DEPTOR: variants seen among roughly 807,000 people sequenced by gnomAD.
DEPTOR encodes DEP domain-containing mTOR-interacting protein.
DEPTOR carries 41 observed loss-of-function variants against 41.6 expected under a neutral mutation model. The observed-to-expected ratio is 0.98, with a 90% CI of 0.77 to 1.28. The LOEUF is 1.28. Ranked by LOEUF, DEPTOR falls within the 50% of genes most tolerant of loss-of-function variation. The pLI is 0.00. For missense variants in DEPTOR, 514 were observed against 527.9 expected (o/e 0.97, Z 0.26); for synonymous variants, 195 against 192.3 (o/e 1.01, Z -0.12).
intron 4 of DEPTOR, among the ~76,000 whole-genome samples, chr8:119,974,632 C>G (rs1294736039): frequency 6.6e-6 from 1 of 152,036 alleles, no homozygotes; most frequent in East Asian, 1.9e-4. Context: ...ATTAGGCAGG[C>G]TTGATGGTGT....
chr8:119,920,477 T>TTTCACA (rs1168039313), intron 1 of DEPTOR, among the ~76,000 whole-genome samples: 2 of 152,114 alleles, frequency 1.3e-5, no homozygotes, highest in Non-Finnish European at 2.9e-5. Context: ...ACAGAGGAGG[T>TTTCACA]GCCCTTGAAA....
chr8:120,022,542 G>A (rs955874890), intron 8 of DEPTOR, among the ~76,000 whole-genome samples: 3 of 152,008 alleles, frequency 2.0e-5, no homozygotes, highest in Admixed American at 1.3e-4. Context: ...CAGTCTTGAG[G>A]CTCCTAAGTC....
At chr8:119,940,509 G>A (rs943973660) in intron 3 of DEPTOR, among the ~76,000 whole-genome samples, 1 of 152,194 alleles carries the variant, frequency 6.6e-6, no homozygotes, top group African/African-American at 2.4e-5. Context: ...ACTTTGGGAG[G>A]CCAAGGTGGG....
At chr8:120,049,039 C>T (rs182448071) in intron 8 of DEPTOR, among the ~76,000 whole-genome samples, 8 of 152,204 alleles carry the variant, frequency 5.3e-5, no homozygotes, top group African/African-American at 1.9e-4. Flanking sequence ...TTTAAGTTTA[C>T]ATCGATATTA....
chr8:120,006,244 T>C (rs1812435131), intron 6 of DEPTOR, among the ~76,000 whole-genome samples: 1 of 152,030 alleles, frequency 6.6e-6, no homozygotes, highest in African/African-American at 2.4e-5. Context: ...AAGAAGGAAG[T>C]GAGGCTGGGC....
chr8:119,950,376 AAT>A (rs2129923704), intron 3 of DEPTOR, among the ~76,000 whole-genome samples: 1 of 152,252 alleles, frequency 6.6e-6, no homozygotes, highest in African/African-American at 2.4e-5. Context: ...CATTGTGTTC[AAT>A]ATTTTATCAT....
chr8:119,970,333 G>T (rs1403220787), intron 4 of DEPTOR, among the ~76,000 whole-genome samples: 1 of 152,176 alleles, frequency 6.6e-6, no homozygotes, highest in Non-Finnish European at 1.5e-5. Flanking sequence ...TGTGGCATTA[G>T]TATTATTATT....
chr8:119,884,423 C>T (rs1224672613), intron 1 of DEPTOR, among the ~76,000 whole-genome samples: 1 of 152,142 alleles, frequency 6.6e-6, no homozygotes, highest in Admixed American at 6.5e-5. Flanking sequence ...TGGAGGAATA[C>T]TATGCGAGTC....
intron 4 of DEPTOR, among the ~76,000 whole-genome samples, chr8:119,988,392 G>A (rs890925520): frequency 5.3e-5 from 8 of 152,188 alleles, no homozygotes; most frequent in African/African-American, 1.9e-4. Context: ...AGTTGGAAAT[G>A]CAGAAATCAC....
intron 1 of DEPTOR, among the ~76,000 whole-genome samples, chr8:119,925,739 C>T (rs898002386): frequency 6.6e-6 from 1 of 152,178 alleles, no homozygotes; most frequent in African/African-American, 2.4e-5. Flanking sequence ...ATTCTCCTGC[C>T]TCAGCCTCCT....
chr8:119,974,078 A>G (rs1038655786), intron 4 of DEPTOR, among the ~76,000 whole-genome samples: 4 of 151,944 alleles, frequency 2.6e-5, no homozygotes, highest in African/African-American at 9.7e-5. Context: ...AAAGGGGAAA[A>G]AGGGGAAGAG....
At chr8:119,973,693 C>CGCTGCT (rs1469236145) in intron 4 of DEPTOR, among the ~76,000 whole-genome samples, 50 of 152,334 alleles carry the variant, frequency 3.3e-4, no homozygotes, top group African/African-American at 1.1e-3. Flanking sequence ...ACCAGGCTAC[C>CGCTGCT]GCTGCTGTGT....
intron 8 of DEPTOR, among the ~76,000 whole-genome samples, chr8:120,042,513 TTTTTA>T (rs1335703447): frequency 6.6e-6 from 1 of 152,144 alleles, no homozygotes; most frequent in East Asian, 1.9e-4. Flanking sequence ...CCTAAATCTA[TTTTTA>T]TTTTATTTTT....
chr8:119,939,003 C>T (rs1304889118), intron 3 of DEPTOR, among the ~76,000 whole-genome samples: 2 of 148,432 alleles, frequency 1.3e-5, no homozygotes, highest in Non-Finnish European at 3.0e-5. Flanking sequence ...TATAGGAAGC[C>T]ATGCAAAGTT....
intron 1 of DEPTOR, among the ~76,000 whole-genome samples, chr8:119,888,004 A>G (rs1827395940): frequency 6.6e-6 from 1 of 152,022 alleles, no homozygotes. Flanking sequence ...AATTTTTAGT[A>G]GAGTCGACAT....
chr8:119,939,940 A>C (rs1012995569), intron 3 of DEPTOR, among the ~76,000 whole-genome samples: 36 of 152,004 alleles, frequency 2.4e-4, no homozygotes, highest in Non-Finnish European at 5.3e-4. Flanking sequence ...TTACCAGGCC[A>C]GGCGCAGTGG....
intron 1 of DEPTOR, among the ~76,000 whole-genome samples, chr8:119,882,555 T>A (rs1827312017): frequency 6.6e-6 from 1 of 151,984 alleles, no homozygotes; most frequent in South Asian, 2.1e-4. Flanking sequence ...GACTCAGGCA[T>A]GTACCACCAC....
In DEPTOR at chr8:120,022,157, T is replaced by TAAAAAAA. The variant is rs34125548; in HGVS notation, c.1101+13039_1101+13045dup. Among the ~76,000 whole-genome samples the TAAAAAAA allele has an allele frequency of 1.1e-3, 103 of 93,726 alleles. 3 individuals are homozygous for TAAAAAAA. The highest frequency in any genetic ancestry group is 4.0e-3 in the African/African-American group (100 of 25,268). 61.5% of individuals were successfully genotyped at this position (93,726 alleles called of 152,430 possible). A position where few individuals can be genotyped will look rare whatever the true frequency, so the allele number is the denominator to read the frequency against. ...TGGGTGACAGAGCGAGACCCCATCTTAAAAAAAAAAAAAAAAAAAAAGATG... is the reference window on the plus strand; with the variant it reads ...TGGGTGACAGAGCGAGACCCCATCTTAAAAAAAAAAAAAAAAAAAAAAAAAAAAGATG... On this transcript the variant is annotated intron_variant, in intron 8 of 8. Coordinates refer to ENST00000286234, the MANE Select transcript of DEPTOR (RefSeq NM_022783.4).
At chr8:119,973,813 G>A (rs1828662427) in intron 4 of DEPTOR, among the ~76,000 whole-genome samples, 1 of 152,074 alleles carries the variant, frequency 6.6e-6, no homozygotes, top group Non-Finnish European at 1.5e-5. Flanking sequence ...ATATCATACT[G>A]TGCCATATAC....
Sources: allele counts gnomAD v4.1 joint callset (sites outside exome capture counted in the v4.1 genomes callset), GRCh38; gene constraint gnomAD v4.1.1; transcripts MANE v1.5; gene names NCBI Gene and HGNC (gene_info 2026-07-23, HGNC 2026-07-21).